DMD: variants seen among roughly 807,000 people sequenced by gnomAD.
The protein encoded by DMD is dystrophin.
A neutral mutation model predicts 330.1 loss-of-function variants in DMD; 63 were observed. The observed-to-expected ratio is 0.19, with a 90% confidence interval of 0.16 to 0.24. DMD has a LOEUF of 0.24. Among genes scored for constraint, DMD ranks in the 10% least tolerant of loss-of-function variants. DMD has a pLI of 1.00. For missense variants in DMD, 3,344 were observed against 2,684.1 expected (o/e 1.25, Z -5.43); for synonymous variants, 1,223 against 959.8 (o/e 1.27, Z -5.07).
intron 44 of DMD, among the ~76,000 whole-genome samples, chrX:31,997,726 A>T (rs1277971956): frequency 1.8e-5 from 2 of 110,546 alleles, no homozygotes; most frequent in Admixed American, 9.7e-5. Flanking sequence ...TCAGGCATGG[A>T]TGGCTCCATA....
chrX:31,514,564 C>A (rs2071993379), intron 55 of DMD, among the ~76,000 whole-genome samples: 1 of 112,033 alleles, frequency 8.9e-6, no homozygotes, highest in African/African-American at 3.2e-5. Flanking sequence ...TCTTTCATTA[C>A]TTTGGTTTCA....
At chrX:31,136,064 T>A (rs1182561421) in intron 76 of DMD, among the ~76,000 whole-genome samples, 11 of 110,504 alleles carry the variant, frequency 1.0e-4, no homozygotes, top group Non-Finnish European at 1.9e-4. Flanking sequence ...GACAAAATCA[T>A]ATTCTAGGTG....
At chrX:32,166,873 T>A (rs1425187487) in intron 44 of DMD, among the ~76,000 whole-genome samples, 1 of 112,059 alleles carries the variant, frequency 8.9e-6, no homozygotes. Context: ...AAAAACCTCA[T>A]TATTAGCAGT....
At chrX:31,953,003 T>G in intron 45 of DMD, among the ~76,000 whole-genome samples, 1 of 112,240 alleles carries the variant, frequency 8.9e-6, no homozygotes, top group Non-Finnish European at 1.9e-5. Context: ...TTTGCATTAG[T>G]CAATAGTTGG....
At chrX:32,210,185 A>G (rs918591253) in intron 44 of DMD, among the ~76,000 whole-genome samples, 3 of 112,158 alleles carry the variant, frequency 2.7e-5, no homozygotes, top group African/African-American at 9.7e-5. Context: ...ACACTTACAC[A>G]TTGCTGTAAC....
At chrX:32,589,807 A>C (rs947085787) in intron 13 of DMD, among the ~76,000 whole-genome samples, 1 of 111,674 alleles carries the variant, frequency 9.0e-6, no homozygotes, top group Non-Finnish European at 1.9e-5. Context: ...ATGGGAGCAG[A>C]AATATTCCAT....
intron 55 of DMD, among the ~76,000 whole-genome samples, chrX:31,555,558 C>T (rs936851057): frequency 8.9e-6 from 1 of 111,846 alleles, no homozygotes; most frequent in Non-Finnish European, 1.9e-5. Flanking sequence ...ATTCCAGCAC[C>T]GTAAGTCTTC....
chrX:32,480,438 T>TGTGTACATACACAGTATGTGTCTAC (rs2041743905), intron 21 of DMD, among the ~76,000 whole-genome samples: 6 of 110,516 alleles, frequency 5.4e-5, no homozygotes, highest in Non-Finnish European at 1.1e-4. Context: ...TATGTGTCTA[T>TGTGTACATACACAGTATGTGTCTAC]GTGTGTACAT....
chrX:33,187,029 A>C, intron 1 of DMD, among the ~76,000 whole-genome samples: 1 of 112,167 alleles, frequency 8.9e-6, no homozygotes, highest in East Asian at 2.8e-4. Flanking sequence ...TATGTTGGGG[A>C]AAACTCATTA....
intron 62 of DMD, chrX:31,261,640 A>ACCGAGAT: frequency 8.8e-6 from 1 of 114,259 alleles, no homozygotes; most frequent in South Asian, 3.5e-4. Context: ...GCTATACACC[A>ACCGAGAT]CTACACCTCT....
intron 54 of DMD, among the ~76,000 whole-genome samples, chrX:31,628,942 A>ATATATATATATATATATATAT (rs1556765554): frequency 6.7e-5 from 7 of 104,107 alleles, no homozygotes; most frequent in Admixed American, 1.0e-4. Flanking sequence ...ATATATATAT[A>ATATATATATATATATATATAT]AAATGCATGT....
intron 44 of DMD, among the ~76,000 whole-genome samples, chrX:31,978,970 T>C (rs2095457221): frequency 8.9e-6 from 1 of 112,397 alleles, no homozygotes; most frequent in South Asian, 3.7e-4. Context: ...TGGGAATACA[T>C]TTTCAAGCAA....
At position 32,483,114 on chromosome X, in the gene DMD, C is replaced by T. The variant is rs772869848; in HGVS notation, c.2803+1805G>A. Among the ~76,000 whole-genome samples, 29 of 76,517 alleles carry T rather than the reference C, an allele frequency of 3.8e-4. No homozygotes were observed. In the East Asian group the frequency reaches 0.013, roughly 34 times the overall value. 66.4% of individuals were successfully genotyped at this position (76,517 alleles called of 115,157 possible). A position where few individuals can be genotyped will look rare whatever the true frequency, so the allele number is the denominator to read the frequency against. On this transcript the variant is annotated intron_variant, in intron 21 of 78. Transcript: ENST00000357033. ...AATTTCAAATTAACAAAATCAACTG[C>T]TATGTAATTTCATATGCTACATTTT...
chrX:32,635,789 C>A (rs1437820055), intron 11 of DMD, among the ~76,000 whole-genome samples: 1 of 111,865 alleles, frequency 8.9e-6, no homozygotes, highest in Non-Finnish European at 1.9e-5. Context: ...AGAATCCAAA[C>A]AGAACCAATT....
intron 2 of DMD, among the ~76,000 whole-genome samples, chrX:32,923,792 G>A (rs1479170939): frequency 4.5e-5 from 5 of 111,240 alleles, no homozygotes; most frequent in Non-Finnish European, 9.4e-5. Flanking sequence ...GGTTTTATTT[G>A]TTTAATGAAA....
intron 15 of DMD, among the ~76,000 whole-genome samples, chrX:32,571,573 G>C (rs2052426273): frequency 9.0e-6 from 1 of 111,720 alleles, no homozygotes; most frequent in African/African-American, 3.2e-5. Context: ...GAAGCATTTT[G>C]ATTGCTTCTG....
At chrX:32,366,761 C>T (rs2097856020) in intron 34 of DMD, among the ~76,000 whole-genome samples, 1 of 111,920 alleles carries the variant, frequency 8.9e-6, no homozygotes, top group South Asian at 3.7e-4. Flanking sequence ...TTGGTTTTGC[C>T]TTTGGCATCG....
intron 43 of DMD, among the ~76,000 whole-genome samples, chrX:32,273,212 GA>G (rs1374209690): frequency 1.9e-5 from 2 of 106,779 alleles, no homozygotes; most frequent in African/African-American, 3.4e-5. Context: ...AATTAGGAAA[GA>G]AAAAAAAAGG....
intron 52 of DMD, among the ~76,000 whole-genome samples, chrX:31,695,586 A>T (rs75476735): frequency 1.8e-4 from 19 of 107,969 alleles, no homozygotes; most frequent in African/African-American, 6.1e-4. Flanking sequence ...ATAAAAAAAA[A>T]ATTTTAAAAA....
Sources: gnomAD v4.1 joint callset for allele counts (sites outside exome capture counted in the v4.1 genomes callset) on GRCh38, gnomAD v4.1.1 for gene constraint, MANE v1.5 for transcripts, NCBI Gene and HGNC (gene_info 2026-07-23, HGNC 2026-07-21) for gene names.